UNC13C: variants seen among roughly 807,000 people sequenced by gnomAD.
UNC13C encodes unc-13 homolog C.
A neutral mutation model predicts 245.4 loss-of-function variants in UNC13C; 174 were observed. That is an observed-to-expected ratio of 0.71 (90% CI 0.63 to 0.80). The LOEUF (loss-of-function observed/expected upper bound fraction) is 0.80. UNC13C is among the 30% of genes least tolerant of loss of function. UNC13C has a pLI of 0.00. For missense variants in UNC13C, 2,829 were observed against 2,602.9 expected (o/e 1.09, Z -1.89); for synonymous variants, 992 against 895.1 (o/e 1.11, Z -1.93).
intron 2 of UNC13C, among the ~76,000 whole-genome samples, chr15:54,027,494 C>T (rs1282155028): frequency 1.3e-5 from 2 of 152,182 alleles, no homozygotes; most frequent in Non-Finnish European, 1.5e-5. Flanking sequence ...CTCAGCTTCC[C>T]AAGTAGCTGG....
At chr15:54,338,776 G>A (rs1395360536) in intron 17 of UNC13C, among the ~76,000 whole-genome samples, 2 of 152,166 alleles carry the variant, frequency 1.3e-5, no homozygotes, top group African/African-American at 4.8e-5. Context: ...CACAAGGTAG[G>A]TAATTGGCAG....
At chr15:54,546,966 G>C (rs1596546955) in intron 27 of UNC13C, 121 bp downstream of exon 27, 1 of 905,908 alleles carries the variant, frequency 1.1e-6, no homozygotes, top group East Asian at 3.2e-5. Flanking sequence ...TTGGTATCCA[G>C]TTTCTTAACA....
chr15:54,570,180 A>G (rs1159596407), intron 30 of UNC13C, among the ~76,000 whole-genome samples: 1 of 152,080 alleles, frequency 6.6e-6, no homozygotes, highest in African/African-American at 2.4e-5. Context: ...GAGGAGTGAA[A>G]TCTATTTCAT....
chr15:54,097,795 C>G (rs1899950062), intron 2 of UNC13C, among the ~76,000 whole-genome samples: 1 of 152,050 alleles, frequency 6.6e-6, no homozygotes. Flanking sequence ...TGATTGATCG[C>G]TAAGAGGAAT....
chr15:53,877,857 C>T, the UNC13C span, among the ~76,000 whole-genome samples: 3 of 152,246 alleles, frequency 2.0e-5, no homozygotes, highest in African/African-American at 4.8e-5. Context: ...CTCCTGACCT[C>T]GTAACTATGG....
intron 14 of UNC13C, among the ~76,000 whole-genome samples, chr15:54,326,056 G>C (rs1392012267): frequency 6.6e-6 from 1 of 152,024 alleles, no homozygotes; most frequent in Non-Finnish European, 1.5e-5. Flanking sequence ...CATGAGGGCA[G>C]AAGGAGAGGC....
At position 54,068,166 on chromosome 15, in the gene UNC13C, A is replaced by G. The variant is rs537243966; in HGVS notation, c.2983+52280A>G. On this transcript the variant is annotated intron_variant, in intron 2 of 32. Coordinates refer to ENST00000260323, the MANE Select transcript of UNC13C (RefSeq NM_001080534.3). ...CCCCAAAGTTTTGAATGTAGCAGCA[A>G]CGTAACCTGAACAATTCTATAGCCA... Among the ~76,000 whole-genome samples the G allele has an allele frequency of 2.6e-3, 401 of 152,290 alleles. 7 individuals carry two copies. Among genetic ancestry groups the G allele is most frequent in the Non-Finnish European group, 1.7e-3 (113 of 68,020 alleles).
chr15:54,162,593 A>G (rs1296477980), intron 4 of UNC13C, among the ~76,000 whole-genome samples: 1 of 152,184 alleles, frequency 6.6e-6, no homozygotes, highest in Admixed American at 6.5e-5. Flanking sequence ...AATTTAGCCT[A>G]TTATGTCCTC....
intron 19 of UNC13C, among the ~76,000 whole-genome samples, chr15:54,427,612 C>T (rs999188673): frequency 3.3e-5 from 5 of 151,818 alleles, no homozygotes; most frequent in Non-Finnish European, 7.4e-5. Flanking sequence ...TATACACTTA[C>T]ATATTTGCTT....
chr15:53,936,455 C>A, the UNC13C span, among the ~76,000 whole-genome samples: 1 of 152,228 alleles, frequency 6.6e-6, no homozygotes, highest in African/African-American at 2.4e-5. Context: ...CCTGCTGGCT[C>A]TGGAGAGTCT....
At chr15:54,002,863 C>T (rs1005755847) in intron 1 of UNC13C, among the ~76,000 whole-genome samples, 3 of 152,094 alleles carry the variant, frequency 2.0e-5, no homozygotes, top group Non-Finnish European at 4.4e-5. Flanking sequence ...AGGTGCCAAA[C>T]CCTGGGATGT....
At chr15:54,098,202 T>C (rs2141149484) in intron 2 of UNC13C, among the ~76,000 whole-genome samples, 1 of 152,118 alleles carries the variant, frequency 6.6e-6, no homozygotes, top group South Asian at 2.1e-4. Context: ...TGAGATGGAG[T>C]CTTGCTGTGT....
At chr15:54,126,940 T>C (rs1357942921) in intron 2 of UNC13C, among the ~76,000 whole-genome samples, 4 of 152,088 alleles carry the variant, frequency 2.6e-5, no homozygotes, top group Non-Finnish European at 5.9e-5. Context: ...ATGCGGCCAA[T>C]AGTTATATGA....
intron 2 of UNC13C, among the ~76,000 whole-genome samples, chr15:54,108,921 G>C (rs151334691): frequency 6.6e-6 from 1 of 152,284 alleles, no homozygotes; most frequent in African/African-American, 2.4e-5. Context: ...TTCCATCTTA[G>C]TGTGGTTTGC....
chr15:53,920,145 C>T, the UNC13C span, among the ~76,000 whole-genome samples: 3 of 151,990 alleles, frequency 2.0e-5, no homozygotes, highest in Non-Finnish European at 4.4e-5. Context: ...ATGGATGTAC[C>T]TTGTTTTACC....
chr15:53,943,692 C>T, the UNC13C span, among the ~76,000 whole-genome samples: 1 of 152,008 alleles, frequency 6.6e-6, no homozygotes, highest in African/African-American at 2.4e-5. Flanking sequence ...ACACTTAAGT[C>T]CATGATCTGT....
chr15:54,456,908 G>T (rs1202387915), intron 19 of UNC13C, among the ~76,000 whole-genome samples: 1 of 151,940 alleles, frequency 6.6e-6, no homozygotes, highest in East Asian at 1.9e-4. Flanking sequence ...AGGACTTCCA[G>T]TACTATGTTG....
At chr15:54,382,258 A>C (rs564182506) in intron 17 of UNC13C, among the ~76,000 whole-genome samples, 65 of 152,300 alleles carry the variant, frequency 4.3e-4, no homozygotes, top group African/African-American at 1.4e-3. Context: ...TGCTAAGAGG[A>C]AAGTTTATAG....
At chr15:54,131,082 T>C (rs41403145) in intron 2 of UNC13C, among the ~76,000 whole-genome samples, 3,679 of 152,306 alleles carry the variant, frequency 0.024, 152 homozygotes, top group African/African-American at 0.08. Context: ...AAGATTAGTT[T>C]TGAGTTGCTT....
Sources: allele counts gnomAD v4.1 joint callset (sites outside exome capture counted in the v4.1 genomes callset), GRCh38; gene constraint gnomAD v4.1.1; transcripts MANE v1.5; gene names NCBI Gene and HGNC (gene_info 2026-07-23, HGNC 2026-07-21).